AIG1: variants seen among roughly 807,000 people sequenced by gnomAD.
The protein encoded by AIG1 is androgen induced 1.
AIG1 carries 23 observed loss-of-function variants against 31.4 expected under a neutral mutation model. The observed-to-expected ratio is 0.73, with a 90% CI of 0.53 to 1.04. The LOEUF (loss-of-function observed/expected upper bound fraction) is 1.04, where lower values mean the gene tolerates loss of function less well. Ranked by LOEUF, AIG1 falls within the 50% of genes least tolerant of loss-of-function variation. The pLI, the probability that AIG1 is intolerant of heterozygous loss-of-function variation, is 0.00. For missense variants in AIG1, 274 were observed against 295.0 expected (o/e 0.93, Z 0.52); for synonymous variants, 100 against 110.5 (o/e 0.90, Z 0.60).
intron 3 of AIG1, among the ~76,000 whole-genome samples, chr6:143,207,275 T>G (rs1791187479): frequency 6.6e-6 from 1 of 152,128 alleles, no homozygotes; most frequent in Non-Finnish European, 1.5e-5. Context: ...CTTGTGTTTT[T>G]CTGGTGTTTG....
At chr6:143,108,225 A>G (rs1015791102) in intron 1 of AIG1, among the ~76,000 whole-genome samples, 5 of 152,208 alleles carry the variant, frequency 3.3e-5, no homozygotes, top group African/African-American at 9.6e-5. Flanking sequence ...CTAGACTCAA[A>G]TCTGTTTAAA....
chr6:143,096,530 G>A (rs1251591553), intron 1 of AIG1, among the ~76,000 whole-genome samples: 7 of 152,256 alleles, frequency 4.6e-5, no homozygotes, highest in African/African-American at 1.7e-4. Context: ...CCAGTCAGAT[G>A]GCTTCTCTTC....
In AIG1 at chr6:143,134,980, T is replaced by A. The variant is rs192956619; in HGVS notation, c.142-1855T>A. ...AACTTAAGATATTTTCAGTTTACTATGAGTTTATAGGGACGTAGCTGCATC... is the reference window on the plus strand; with the variant it reads ...AACTTAAGATATTTTCAGTTTACTAAGAGTTTATAGGGACGTAGCTGCATC... On this transcript the variant is annotated intron_variant, in intron 1 of 5. Coordinates refer to ENST00000357847, the MANE Select transcript of AIG1 (RefSeq NM_016108.4). Among the ~76,000 whole-genome samples the A allele has an allele frequency of 2.0e-3, 298 of 152,198 alleles. 1 individual carries two copies. Among genetic ancestry groups the A allele is most frequent in the African/African-American group, 7.1e-3 (294 of 41,560 alleles).
At chr6:143,088,393 A>C (rs1473238528) in intron 1 of AIG1, among the ~76,000 whole-genome samples, 1 of 152,254 alleles carries the variant, frequency 6.6e-6, no homozygotes, top group Non-Finnish European at 1.5e-5. Flanking sequence ...ATGCCAGAGA[A>C]GATTACTTCT....
At chr6:143,198,395 A>G (rs1790427294) in intron 3 of AIG1, among the ~76,000 whole-genome samples, 1 of 152,234 alleles carries the variant, frequency 6.6e-6, no homozygotes, top group East Asian at 1.9e-4. Context: ...TCTGACAGCT[A>G]GTAATAATTG....
At chr6:143,342,400 G>A (rs1265454574), downstream of AIG1, 5 of 712,366 alleles carry the variant, frequency 7.0e-6, no homozygotes, top group South Asian at 6.0e-5. Context: ...AAAAAAATGT[G>A]GTTCAGAAAA....
rs1777271103 is a variant in AIG1, at chr6:143,333,794, C to CA, written c.679+349_679+350insA. 6.6e-6 allele frequency among the ~76,000 whole-genome samples: 1 copy of CA among 152,096 alleles called. No homozygotes were observed. Among genetic ancestry groups the CA allele is most frequent in the South Asian group, 2.1e-4 (1 of 4,808 alleles). ...TGCTGCCTTAGTTAGCTAAAGGGAC[C>CA]TCAAATTAAATAGATACATTATTAA... On this transcript the variant is annotated intron_variant, in intron 5 of 5. Coordinates refer to ENST00000357847, the MANE Select transcript of AIG1 (RefSeq NM_016108.4). This position sits in a 1 kb window ranked among gnomAD's most constrained non-coding sequence, Gnocchi z 4.6.
At chr6:143,335,123 A>G in intron 5 of AIG1, 1 of 1,418,354 alleles carries the variant, frequency 7.1e-7, no homozygotes, top group Non-Finnish European at 9.2e-7. Flanking sequence ...GTGCCAAGTA[A>G]GTATCATCCT....
At chr6:143,098,267 C>T (rs1425657064) in intron 1 of AIG1, among the ~76,000 whole-genome samples, 3 of 152,206 alleles carry the variant, frequency 2.0e-5, no homozygotes, top group Non-Finnish European at 2.9e-5. Context: ...TCAACACATA[C>T]AGTGGCTAAT....
rs1440507369 is a variant in AIG1, at chr6:143,280,691, G to A, written c.400-3419G>A. ...AATGATAAGAACTTATGAACACAAA[G>A]AAGGAAATAACAGACACTGGGGTCT... On this transcript the variant is annotated intron_variant, in intron 3 of 5. Coordinates refer to ENST00000357847, the MANE Select transcript of AIG1 (RefSeq NM_016108.4). The surrounding 1 kb of genome is among the most constrained non-coding windows in gnomAD (Gnocchi z 4.1). 6.6e-6 allele frequency among the ~76,000 whole-genome samples: 1 copy of A among 152,176 alleles called. No individual in the cohort carries two copies. The highest frequency in any genetic ancestry group is 1.5e-5 in the Non-Finnish European group (1 of 68,032).
intron 3 of AIG1, among the ~76,000 whole-genome samples, chr6:143,175,132 C>A (rs1167048031): frequency 6.6e-6 from 1 of 152,186 alleles, no homozygotes; most frequent in Non-Finnish European, 1.5e-5. Context: ...AGATAGGACC[C>A]CACTACCTTC....
intron 3 of AIG1, among the ~76,000 whole-genome samples, chr6:143,269,654 A>G (rs543395076): frequency 6.6e-6 from 1 of 152,372 alleles, no homozygotes; most frequent in South Asian, 2.1e-4. Flanking sequence ...AAGGAAAACT[A>G]CAGCTCCACA....
chr6:143,188,674 G>T, intron 3 of AIG1: 2 of 983,912 alleles, frequency 2.0e-6, no homozygotes, highest in Non-Finnish European at 2.4e-6. Flanking sequence ...TAAATAAATA[G>T]GACCATCCAA....
intron 1 of AIG1, among the ~76,000 whole-genome samples, chr6:143,066,256 T>C (rs1776694259): frequency 6.6e-6 from 1 of 152,020 alleles, no homozygotes; most frequent in Non-Finnish European, 1.5e-5. Flanking sequence ...AGAGCAGTCT[T>C]AATATATGAA....
At chr6:143,087,249 C>T (rs960711452) in intron 1 of AIG1, among the ~76,000 whole-genome samples, 39 of 152,126 alleles carry the variant, frequency 2.6e-4, no homozygotes, top group Non-Finnish European at 4.4e-4. Flanking sequence ...AAGATGGTGG[C>T]GGGCTGCTCC....
intron 3 of AIG1, among the ~76,000 whole-genome samples, chr6:143,259,447 A>G (rs754792732): frequency 3.3e-5 from 5 of 152,066 alleles, no homozygotes; most frequent in Non-Finnish European, 7.4e-5. Flanking sequence ...TCTACTATGC[A>G]TTGCGGGCTC....
chr6:143,133,549 T>C (rs896932859), intron 1 of AIG1, among the ~76,000 whole-genome samples: 1 of 148,152 alleles, frequency 6.7e-6, no homozygotes, highest in African/African-American at 2.5e-5. Flanking sequence ...CATTACTTTA[T>C]GTGGGAAAAA....
At chr6:143,167,203 C>CA (rs145109865) in intron 3 of AIG1, among the ~76,000 whole-genome samples, 3 of 152,054 alleles carry the variant, frequency 2.0e-5, no homozygotes, top group Admixed American at 2.0e-4. Flanking sequence ...AACATTACAC[C>CA]AAAAAACATT....
intron 1 of AIG1, among the ~76,000 whole-genome samples, chr6:143,110,324 AT>A (rs1188880954): frequency 2.0e-5 from 3 of 152,162 alleles, no homozygotes; most frequent in Admixed American, 6.5e-5. Context: ...TTTCCATGTA[AT>A]TTTAGAATCA....
Sources: allele counts gnomAD v4.1 joint callset (sites outside exome capture counted in the v4.1 genomes callset), GRCh38; gene constraint gnomAD v4.1.1; non-coding constraint Gnocchi (gnomAD v3.1); transcripts MANE v1.5; gene names NCBI Gene and HGNC (gene_info 2026-07-23, HGNC 2026-07-21).